LDLRAD3: variants seen among roughly 807,000 people sequenced by gnomAD.
LDLRAD3 encodes the protein low-density lipoprotein receptor class A domain-containing protein 3.
In LDLRAD3, 20 loss-of-function variants were observed where a neutral mutation model predicts 29.4. The observed-to-expected ratio is 0.68, with a 90% confidence interval of 0.48 to 0.99. LDLRAD3 has a LOEUF of 0.99. Among genes scored for constraint, LDLRAD3 ranks in the 50% least tolerant of loss-of-function variants. The probability of loss-of-function intolerance (pLI) is 0.00; values close to 1 mark genes in which losing one functional copy is unlikely to be tolerated. For synonymous variants in LDLRAD3, 157 were observed against 192.7 expected (o/e 0.81, Z 1.53); for missense variants, 420 against 454.3 (o/e 0.92, Z 0.69).
rs139809160 is a variant in LDLRAD3 at position 35,959,206 on chromosome 11, A to G, written c.46+15062A>G. The stretch of plus-strand genomic sequence containing the variant: ...CTCTTGTTTGCTGTCTGGTCTCACT[A>G]TTAATTAAGGATATGACTGTGTTTG... On this transcript the variant is annotated intron_variant, in intron 1 of 5. Coordinates refer to ENST00000315571, the MANE Select transcript of LDLRAD3 (RefSeq NM_174902.4). Among the ~76,000 whole-genome samples, 1,313 of 152,290 alleles carry G rather than the reference A, an allele frequency of 8.6e-3. 10 individuals are homozygous for G. Among genetic ancestry groups the G allele is most frequent in the Non-Finnish European group, 0.011 (751 of 68,014 alleles).
At chr11:36,149,086 A>G (rs564667758) in intron 4 of LDLRAD3, among the ~76,000 whole-genome samples, 6 of 152,306 alleles carry the variant, frequency 3.9e-5, no homozygotes, top group African/African-American at 1.4e-4. Flanking sequence ...TCCTTATCTA[A>G]GAAGAGGGAC....
At chr11:36,114,883 G>T (rs536570239) in intron 4 of LDLRAD3, among the ~76,000 whole-genome samples, 1 of 152,214 alleles carries the variant, frequency 6.6e-6, no homozygotes, top group African/African-American at 2.4e-5. Context: ...AGATTCTTTG[G>T]CACTCCTACC....
chr11:36,175,002 A>G (rs1854653794), intron 4 of LDLRAD3, among the ~76,000 whole-genome samples: 2 of 152,008 alleles, frequency 1.3e-5, no homozygotes, highest in Non-Finnish European at 2.9e-5. Context: ...AAAGAAAAGA[A>G]AAAAAGAATG....
At chr11:36,018,197 A>G (rs1197243374) in intron 1 of LDLRAD3, among the ~76,000 whole-genome samples, 2 of 152,200 alleles carry the variant, frequency 1.3e-5, no homozygotes, top group African/African-American at 4.8e-5. Context: ...CATTGTTCCC[A>G]TAAACTTTTT....
chr11:35,975,279 C>T (rs1218065776), intron 1 of LDLRAD3, among the ~76,000 whole-genome samples: 1 of 152,182 alleles, frequency 6.6e-6, no homozygotes, highest in Non-Finnish European at 1.5e-5. Context: ...TTTCTGGCCA[C>T]ACCACTGCTT....
chr11:36,226,771 C>T (rs561858884), intron 4 of LDLRAD3, among the ~76,000 whole-genome samples: 1 of 152,302 alleles, frequency 6.6e-6, no homozygotes, highest in African/African-American at 2.4e-5. Flanking sequence ...TTTGTATATA[C>T]AGAATCTTAC....
At chr11:36,133,689 A>G (rs1227660057) in intron 4 of LDLRAD3, among the ~76,000 whole-genome samples, 1 of 148,534 alleles carries the variant, frequency 6.7e-6, no homozygotes, top group Non-Finnish European at 1.5e-5. Context: ...GCCTGCCACC[A>G]CGCCTGGCTA....
intron 1 of LDLRAD3, among the ~76,000 whole-genome samples, chr11:36,009,461 C>T (rs1435228686): frequency 6.6e-6 from 1 of 152,146 alleles, no homozygotes; most frequent in Non-Finnish European, 1.5e-5. Flanking sequence ...TATTATTTTT[C>T]ACTTACATAC....
rs151097087 is a variant in LDLRAD3 at position 36,229,802 on chromosome 11, G to A, written c.*405G>A. 548 of 167,144 alleles carry A rather than the reference G, an allele frequency of 3.3e-3. 2 individuals carry two copies. The highest frequency in any genetic ancestry group is 0.012 in the African/African-American group (525 of 42,260). 10.4% of individuals were successfully genotyped at this position (167,144 alleles called of 1,614,324 possible). A position where few individuals can be genotyped will look rare whatever the true frequency, so the allele number is the denominator to read the frequency against. ...CTCTCTGCTGGGTAGTTACCTTATA[G>A]CATTTGGGGATTTGGGTTAGATGAT... On this transcript the variant is annotated 3_prime_UTR_variant, in exon 6 of 6. Coordinates refer to ENST00000315571, the MANE Select transcript of LDLRAD3 (RefSeq NM_174902.4).
intron 4 of LDLRAD3, among the ~76,000 whole-genome samples, chr11:36,192,110 G>A (rs755544702): frequency 1.2e-4 from 19 of 152,168 alleles, no homozygotes; most frequent in Non-Finnish European, 2.2e-4. Flanking sequence ...CAAAGAATGC[G>A]ATCGCTTTTA....
intron 1 of LDLRAD3, among the ~76,000 whole-genome samples, chr11:35,969,153 A>G (rs901917689): frequency 1.3e-5 from 2 of 152,082 alleles, no homozygotes; most frequent in African/African-American, 4.8e-5. Context: ...CAGGATTTCA[A>G]CCCAGGCCTC....
rs1426755958 is a variant in LDLRAD3 at position 36,123,217 on chromosome 11, G to C, written c.454+24756G>C. Among the ~76,000 whole-genome samples, 3 of 152,064 alleles carry C rather than the reference G, an allele frequency of 2.0e-5. No individual in the cohort carries two copies. In the East Asian group the frequency reaches 5.8e-4, roughly 29 times the overall value. On this transcript the variant is annotated intron_variant, in intron 4 of 5. Transcript: ENST00000315571. ...AATAATAATAATAATAATAATAAAA[G>C]TGTGGTACATAATAAGTATTCAGCA...
chr11:36,046,758 G>A (rs373552605), intron 2 of LDLRAD3, among the ~76,000 whole-genome samples: 1 of 152,142 alleles, frequency 6.6e-6, no homozygotes, highest in Admixed American at 6.5e-5. Flanking sequence ...TGGTCCCCAA[G>A]CTGTGTGGAT....
chr11:36,143,884 AT>A (rs1471773832), intron 4 of LDLRAD3, among the ~76,000 whole-genome samples: 1 of 151,862 alleles, frequency 6.6e-6, no homozygotes, highest in Non-Finnish European at 1.5e-5. Context: ...ATGCAGTCGC[AT>A]TCTAAAGTGT....
intron 4 of LDLRAD3, among the ~76,000 whole-genome samples, chr11:36,181,227 T>C (rs1207877659): frequency 3.3e-5 from 2 of 60,072 alleles, no homozygotes; most frequent in Non-Finnish European, 7.1e-5. Flanking sequence ...TACCTACACA[T>C]GGTAAAAAAA....
intron 4 of LDLRAD3, among the ~76,000 whole-genome samples, chr11:36,204,711 A>G (rs371395240): frequency 6.6e-6 from 1 of 150,870 alleles, no homozygotes; most frequent in East Asian, 1.9e-4. Flanking sequence ...CTGGTCTTGA[A>G]CTCCTGACTT....
At chr11:36,169,869 A>T (rs1412780313) in intron 4 of LDLRAD3, among the ~76,000 whole-genome samples, 4 of 152,092 alleles carry the variant, frequency 2.6e-5, no homozygotes, top group African/African-American at 9.7e-5. Flanking sequence ...TGTATTTTTT[A>T]AGTTTTTTAA....
intron 1 of LDLRAD3, among the ~76,000 whole-genome samples, chr11:36,006,237 G>C (rs1214012319): frequency 6.6e-6 from 1 of 152,120 alleles, no homozygotes; most frequent in Non-Finnish European, 1.5e-5. Context: ...AGTTACCAGA[G>C]TTACAATTAA....
chr11:35,971,538 T>G (rs1180969309), intron 1 of LDLRAD3, among the ~76,000 whole-genome samples: 1 of 152,090 alleles, frequency 6.6e-6, no homozygotes, highest in Admixed American at 6.5e-5. Flanking sequence ...GGAAGGACCA[T>G]GTGCAGACAC....
Sources: gnomAD v4.1 joint callset for allele counts (sites outside exome capture counted in the v4.1 genomes callset) on GRCh38, gnomAD v4.1.1 for gene constraint, MANE v1.5 for transcripts, NCBI Gene and HGNC (gene_info 2026-07-23, HGNC 2026-07-21) for gene names.